DOCK1: variants seen among roughly 807,000 people sequenced by gnomAD.
The protein encoded by DOCK1 is dedicator of cytokinesis protein 1.
A neutral mutation model predicts 262.7 loss-of-function variants in DOCK1; 138 were observed. That is an observed-to-expected ratio of 0.53 (90% CI 0.46 to 0.61). The LOEUF (loss-of-function observed/expected upper bound fraction) is 0.61, where lower values mean the gene tolerates loss of function less well. Among genes scored for constraint, DOCK1 ranks in the 20% least tolerant of loss-of-function variants. DOCK1 has a pLI of 0.00. For synonymous variants in DOCK1, 866 were observed against 867.4 expected, an observed-to-expected ratio of 1.00 and a Z score of 0.03; for missense variants, 1,908 against 2,370.7, an observed-to-expected ratio of 0.80 and a Z score of 4.05.
At chr10:127,328,643 G>A (rs1290678681) in intron 29 of DOCK1, among the ~76,000 whole-genome samples, 1 of 152,134 alleles carries the variant, frequency 6.6e-6, no homozygotes, top group East Asian at 1.9e-4. Flanking sequence ...CGAGAGGGAT[G>A]GCAGGGATGG....
intron 27 of DOCK1, among the ~76,000 whole-genome samples, chr10:127,234,717 T>C (rs2058982310): frequency 6.6e-6 from 1 of 151,962 alleles, no homozygotes; most frequent in Non-Finnish European, 1.5e-5. Flanking sequence ...ACAAGGGTAA[T>C]GTGAAGTAGG....
Position 127,433,838 on chromosome 10 carries a change from T to G in DOCK1, c.5060+410T>G, listed in dbSNP as rs77634368. On this transcript the variant is annotated intron_variant, in intron 48 of 51. Transcript: ENST00000623213. ...TGAGATTGTTTTTGTGATTTCTTCTTTTTTTTTTTTTAATAGCTCATCAGC... is the reference window on the plus strand; with the variant it reads ...TGAGATTGTTTTTGTGATTTCTTCTGTTTTTTTTTTTAATAGCTCATCAGC... 1.6e-3 allele frequency among the ~76,000 whole-genome samples: 233 copies of G among 147,292 alleles called. 6 individuals are homozygous for G. The East Asian group carries it at 0.035, about 22-fold the overall frequency.
rs543870975 is a variant in DOCK1 at position 127,230,486 on chromosome 10, A to C, written c.2848-17522A>C. ...TATAATTTCATTCTTTTACATGTGG[A>C]GATCCAGTTCTTCCAGCATCATTAT... On this transcript the variant is annotated intron_variant, in intron 27 of 51. Coordinates refer to ENST00000623213, the MANE Select transcript of DOCK1 (RefSeq NM_001290223.2). 2.2e-4 allele frequency among the ~76,000 whole-genome samples: 34 copies of C among 152,212 alleles called. No homozygotes were observed. The South Asian group carries it at 5.2e-3, about 23-fold the overall frequency.
intron 27 of DOCK1, among the ~76,000 whole-genome samples, chr10:127,161,058 TG>T (rs1396525927): frequency 6.6e-6 from 1 of 152,208 alleles, no homozygotes; most frequent in Admixed American, 6.5e-5. Context: ...TTCCCTCCTA[TG>T]TTTGAGAGCC....
intron 27 of DOCK1, among the ~76,000 whole-genome samples, chr10:127,161,579 C>T (rs1296840329): frequency 1.3e-5 from 2 of 152,236 alleles, no homozygotes; most frequent in Admixed American, 6.5e-5. Context: ...GGAGTACTGC[C>T]TCTGTTCTCC....
intron 4 of DOCK1, among the ~76,000 whole-genome samples, chr10:126,985,592 C>G (rs577236318): frequency 6.6e-6 from 1 of 152,226 alleles, no homozygotes; most frequent in African/African-American, 2.4e-5. Flanking sequence ...CTTCTCATAG[C>G]CAGTGTGAGG....
chr10:126,964,581 G>C (rs934261898), intron 1 of DOCK1, among the ~76,000 whole-genome samples: 4,309 of 152,340 alleles, frequency 0.028, 235 homozygotes, highest in African/African-American at 0.098. Context: ...TGAGAACACA[G>C]AGCAATTAAT....
intron 29 of DOCK1, among the ~76,000 whole-genome samples, chr10:127,320,818 A>T (rs2062486374): frequency 6.6e-6 from 1 of 152,086 alleles, no homozygotes; most frequent in Admixed American, 6.5e-5. Flanking sequence ...GCTCCGAGTC[A>T]TCTGTCTACG....
intron 16 of DOCK1, among the ~76,000 whole-genome samples, chr10:127,030,329 A>G (rs535734922): frequency 1.4e-4 from 21 of 152,204 alleles, no homozygotes; most frequent in Non-Finnish European, 2.4e-4. Context: ...TCTTCAGTCC[A>G]TGTTCCTCAT....
intron 27 of DOCK1, among the ~76,000 whole-genome samples, chr10:127,172,044 G>A (rs919099689): frequency 2.6e-5 from 4 of 152,102 alleles, no homozygotes; most frequent in African/African-American, 9.7e-5. Flanking sequence ...GTTCATTGTC[G>A]TATCATATAA....
At chr10:127,269,895 A>G (rs1352107047) in intron 29 of DOCK1, among the ~76,000 whole-genome samples, 3 of 152,228 alleles carry the variant, frequency 2.0e-5, no homozygotes, top group Non-Finnish European at 4.4e-5. Flanking sequence ...ACGAGAATAG[A>G]GAGCTTGACG....
At chr10:126,956,987 G>A (rs1205226088) in intron 1 of DOCK1, among the ~76,000 whole-genome samples, 32 of 152,268 alleles carry the variant, frequency 2.1e-4, no homozygotes, top group African/African-American at 7.7e-4. Flanking sequence ...CACCTGAGAA[G>A]CCCCCACATT....
intron 38 of DOCK1, among the ~76,000 whole-genome samples, chr10:127,397,721 C>A (rs1468951671): frequency 6.6e-6 from 1 of 151,258 alleles, no homozygotes; most frequent in Non-Finnish European, 1.5e-5. Flanking sequence ...GCAGCGACTC[C>A]TGTGTGACCC....
At chr10:127,444,596 A>G (rs2070413402) in intron 50 of DOCK1, among the ~76,000 whole-genome samples, 2 of 152,190 alleles carry the variant, frequency 1.3e-5, no homozygotes, top group South Asian at 4.1e-4. Flanking sequence ...GCAGAGCTGC[A>G]GGAGGCCGTG....
intron 29 of DOCK1, among the ~76,000 whole-genome samples, chr10:127,330,946 C>T (rs891764395): frequency 6.6e-6 from 1 of 152,248 alleles, no homozygotes; most frequent in South Asian, 2.1e-4. Flanking sequence ...ACAGAGGCCA[C>T]GAAAACCCTC....
chr10:126,973,056 A>G (rs1022111740), intron 2 of DOCK1, among the ~76,000 whole-genome samples: 1 of 151,984 alleles, frequency 6.6e-6, no homozygotes, highest in African/African-American at 2.4e-5. Context: ...TTTGAAGGGA[A>G]ATGCTCTTGT....
chr10:126,981,270 C>A (rs917462633), intron 3 of DOCK1, among the ~76,000 whole-genome samples: 1 of 152,188 alleles, frequency 6.6e-6, no homozygotes, highest in African/African-American at 2.4e-5. Flanking sequence ...CTCTTTCTGG[C>A]ACTTCACAGA....
intron 27 of DOCK1, among the ~76,000 whole-genome samples, chr10:127,160,414 G>T (rs1936661): frequency 0.31 from 47,456 of 152,030 alleles, 7,851 homozygotes; most frequent in African/African-American, 0.41. Flanking sequence ...TGTGTGCCTG[G>T]TCTGGTTGCA....
intron 25 of DOCK1, among the ~76,000 whole-genome samples, chr10:127,123,753 C>T (rs1288398289): frequency 6.6e-6 from 1 of 152,142 alleles, no homozygotes; most frequent in Non-Finnish European, 1.5e-5. Context: ...CTAGGGCAGT[C>T]TCCTACACGG....
Sources: gnomAD v4.1 joint callset for allele counts (sites outside exome capture counted in the v4.1 genomes callset) on GRCh38, gnomAD v4.1.1 for gene constraint, MANE v1.5 for transcripts, NCBI Gene and HGNC (gene_info 2026-07-23, HGNC 2026-07-21) for gene names.